The following MYT1L variants were observed in gnomAD, a reference collection of about 807,000 sequenced individuals.
MYT1L encodes myelin transcription factor 1 like.
Under a neutral mutation model 126.7 loss-of-function variants are expected in MYT1L, and 12 were observed. The observed-to-expected ratio is 0.09, with a 90% CI of 0.06 to 0.15. MYT1L has a LOEUF of 0.15. MYT1L is among the 10% of genes least tolerant of loss of function. MYT1L has a pLI of 1.00. For synonymous variants in MYT1L, 541 were observed against 604.2 expected (o/e 0.90, Z 1.53); for missense variants, 979 against 1,585.2 (o/e 0.62, Z 6.49).
At chr2:1,872,500 T>G (rs2046396574) in intron 18 of MYT1L, among the ~76,000 whole-genome samples, 1 of 152,234 alleles carries the variant, frequency 6.6e-6, no homozygotes, top group Non-Finnish European at 1.5e-5. Context: ...ATTTTCAGCC[T>G]GATCTACAAG....
At chr2:2,166,305 G>A (rs1352264345) in intron 3 of MYT1L, among the ~76,000 whole-genome samples, 1 of 151,964 alleles carries the variant, frequency 6.6e-6, no homozygotes, top group African/African-American at 2.4e-5. Flanking sequence ...CTCTCCTATG[G>A]CCTCCCTCCC....
intron 20 of MYT1L, among the ~76,000 whole-genome samples, chr2:1,839,627 C>T (rs192842728): frequency 7.9e-5 from 12 of 152,334 alleles, no homozygotes; most frequent in Non-Finnish European, 1.6e-4. Context: ...AGTGTATGTG[C>T]CTGGTGGGAC....
At chr2:2,190,348 G>A (rs1572309820) in intron 2 of MYT1L, among the ~76,000 whole-genome samples, 2 of 151,850 alleles carry the variant, frequency 1.3e-5, no homozygotes, top group African/African-American at 4.8e-5. Context: ...CCAGCTACTC[G>A]GGAGGCTGAG....
intron 2 of MYT1L, among the ~76,000 whole-genome samples, chr2:2,178,581 C>T (rs1169914089): frequency 6.6e-6 from 1 of 152,174 alleles, no homozygotes; most frequent in Non-Finnish European, 1.5e-5. Context: ...TGAGGTGGGC[C>T]TTTGGGGCTC....
intron 3 of MYT1L, among the ~76,000 whole-genome samples, chr2:2,125,723 C>G (rs1213004006): frequency 6.6e-6 from 1 of 151,872 alleles, no homozygotes; most frequent in East Asian, 1.9e-4. Context: ...TTTATGGTAC[C>G]CTTTTGTGTT....
intron 5 of MYT1L, among the ~76,000 whole-genome samples, chr2:1,982,729 A>C (rs2060701081): frequency 6.6e-6 from 1 of 152,184 alleles, no homozygotes; most frequent in Admixed American, 6.5e-5. Context: ...AGCTCCCTTC[A>C]GTAGGGCACA....
At chr2:1,876,989 C>T (rs932099566) in intron 18 of MYT1L, among the ~76,000 whole-genome samples, 10 of 152,206 alleles carry the variant, frequency 6.6e-5, no homozygotes, top group African/African-American at 9.7e-5. Flanking sequence ...CAGGGTCCCA[C>T]GGGAGGACCA....
chr2:1,923,302 G>A (rs1260148476), intron 9 of MYT1L, 39 bp from the exon 10 acceptor site: 1 of 1,511,778 alleles, frequency 6.6e-7, no homozygotes, highest in African/African-American at 1.4e-5. Context: ...GAAAAGAAAA[G>A]GAAAAAGTGG....
intron 2 of MYT1L, among the ~76,000 whole-genome samples, chr2:2,235,406 G>A (rs62116735): frequency 4.3e-4 from 18 of 41,772 alleles, no homozygotes; most frequent in East Asian, 1.5e-3. Context: ...TTAGCTGGTT[G>A]GCATCTTCCT....
At chr2:2,003,362 C>T (rs1339638671) in intron 4 of MYT1L, among the ~76,000 whole-genome samples, 1 of 152,098 alleles carries the variant, frequency 6.6e-6, no homozygotes, top group African/African-American at 2.4e-5. Context: ...CTCCAAGTTC[C>T]CTGTGACAGT....
chr2:1,908,307 G>A (rs917963485), intron 13 of MYT1L, among the ~76,000 whole-genome samples: 1 of 152,212 alleles, frequency 6.6e-6, no homozygotes, highest in Non-Finnish European at 1.5e-5. Flanking sequence ...GCTGCCATGA[G>A]CTTCTCCCTG....
Position 2,110,501 on chromosome 2 carries a change from C to T in MYT1L, c.-303-56378G>A, listed in dbSNP as rs139861778. Among the ~76,000 whole-genome samples, 609 of 152,092 alleles carry T rather than the reference C, an allele frequency of 4.0e-3. 5 individuals are homozygous for T. Among genetic ancestry groups the T allele is most frequent in the African/African-American group, 0.014 (579 of 41,476 alleles). On this transcript the variant is annotated intron_variant, in intron 3 of 24. Transcript: ENST00000647738. The stretch of plus-strand genomic sequence containing the variant: ...CAGGGGTCGCTTTTCTGCTCTCACT[C>T]GATTGGCTCTTCTCTATTAGCTTTG...
intron 9 of MYT1L, among the ~76,000 whole-genome samples, chr2:1,924,948 T>C (rs536084091): frequency 2.0e-5 from 3 of 152,218 alleles, no homozygotes; most frequent in Admixed American, 6.5e-5. Flanking sequence ...AATATTCTCC[T>C]CTCAATTTAT....
intron 2 of MYT1L, among the ~76,000 whole-genome samples, chr2:2,246,308 C>T (rs1019576854): frequency 2.6e-5 from 4 of 152,208 alleles, no homozygotes; most frequent in Non-Finnish European, 5.9e-5. Flanking sequence ...GTCTTCAATG[C>T]TTTTCACCTG....
intron 3 of MYT1L, among the ~76,000 whole-genome samples, chr2:2,169,974 C>T (rs1226230567): frequency 6.6e-6 from 1 of 152,220 alleles, no homozygotes; most frequent in Admixed American, 6.5e-5. Flanking sequence ...GAAACATTTT[C>T]TCCTCTTGAA....
chr2:1,982,425 G>C (rs575902094), intron 5 of MYT1L, among the ~76,000 whole-genome samples: 7 of 152,338 alleles, frequency 4.6e-5, no homozygotes, highest in Non-Finnish European at 8.8e-5. Flanking sequence ...CATTCTCCGG[G>C]GGTGTAGTGG....
intron 13 of MYT1L, among the ~76,000 whole-genome samples, chr2:1,906,556 G>A (rs1401512031): frequency 1.3e-5 from 2 of 152,030 alleles, no homozygotes; most frequent in African/African-American, 2.4e-5. Flanking sequence ...TTTTATAGCA[G>A]TATTGGATAT....
intron 18 of MYT1L, among the ~76,000 whole-genome samples, chr2:1,866,267 A>G (rs1258550062): frequency 6.6e-6 from 1 of 152,112 alleles, no homozygotes; most frequent in Non-Finnish European, 1.5e-5. Context: ...AGTCAGGACC[A>G]TGGGGTGTTG....
intron 11 of MYT1L, among the ~76,000 whole-genome samples, chr2:1,916,695 C>T (rs1400081686): frequency 6.6e-6 from 1 of 152,060 alleles, no homozygotes; most frequent in Non-Finnish European, 1.5e-5. Flanking sequence ...GTTGAAATGT[C>T]GAGACAACTA....
Sources: allele counts gnomAD v4.1 joint callset (sites outside exome capture counted in the v4.1 genomes callset), GRCh38; gene constraint gnomAD v4.1.1; transcripts MANE v1.5; gene names NCBI Gene and HGNC (gene_info 2026-07-23, HGNC 2026-07-21).